The following PTPRT variants were observed in gnomAD, a reference collection of about 807,000 sequenced individuals.
PTPRT encodes the protein receptor-type tyrosine-protein phosphatase T.
A neutral mutation model predicts 176.8 loss-of-function variants in PTPRT; 56 were observed. That is an observed-to-expected ratio of 0.32 (90% CI 0.26 to 0.40). PTPRT has a LOEUF of 0.40. Ranked by LOEUF, PTPRT falls within the 10% of genes least tolerant of loss-of-function variation. The pLI is 1.00. For synonymous variants in PTPRT, 783 were observed against 739.0 expected (o/e 1.06, Z -0.96); for missense variants, 1,540 against 1,908.2 (o/e 0.81, Z 3.60).
chr20:42,069,320 A>T (rs879325423), downstream of PTPRT, among the ~76,000 whole-genome samples: 15 of 152,214 alleles, frequency 9.9e-5, no homozygotes, highest in Non-Finnish European at 8.8e-5. Context: ...CTCATGAAAA[A>T]AATTTCTTCT....
chr20:42,126,026 G>T (rs7268171), intron 19 of PTPRT, among the ~76,000 whole-genome samples: 2,018 of 134,308 alleles, frequency 0.015, 46 homozygotes, highest in African/African-American at 0.06. Flanking sequence ...GTCTGGGAGT[G>T]GGGGGGGGGA....
At chr20:42,804,481 C>G (rs922080406) in intron 2 of PTPRT, among the ~76,000 whole-genome samples, 1 of 152,110 alleles carries the variant, frequency 6.6e-6, no homozygotes, top group Non-Finnish European at 1.5e-5. Context: ...GAACCTAGAC[C>G]CAGATGGAAA....
intron 3 of PTPRT, among the ~76,000 whole-genome samples, chr20:42,790,292 C>T (rs956451147): frequency 1.3e-5 from 2 of 151,788 alleles, no homozygotes; most frequent in African/African-American, 4.8e-5. Context: ...TTCCTCTAAG[C>T]ATGCTTTATG....
At chr20:42,761,763 G>A (rs1027793930) in intron 5 of PTPRT, among the ~76,000 whole-genome samples, 2 of 152,202 alleles carry the variant, frequency 1.3e-5, no homozygotes, top group South Asian at 2.1e-4. Flanking sequence ...GAATTCTTCA[G>A]GTCTTGCTGA....
rs58111170 is a variant in PTPRT at position 42,096,756 on chromosome 20, A to ATT, written c.3846+1663_3846+1664dup. 4.8e-3 allele frequency among the ~76,000 whole-genome samples: 570 copies of ATT among 118,786 alleles called. 1 individual carries two copies. The highest frequency in any genetic ancestry group is 7.2e-3 in the Non-Finnish European group (409 of 57,158). The allele number at this position is 118,786 out of a possible 152,430, so 77.9% of individuals were successfully genotyped here. Reference sequence around the variant, plus strand: ...ATGGCACCATGCCTGGCTAATTAAAATTTTTTTTTTTTTTTTTTTTTTTTG... The same window carrying ATT: ...ATGGCACCATGCCTGGCTAATTAAAATTTTTTTTTTTTTTTTTTTTTTTTTTG... On this transcript the variant is annotated intron_variant, in intron 27 of 30. Transcript: ENST00000373187.
At chr20:43,015,931 A>C in intron 1 of PTPRT, among the ~76,000 whole-genome samples, 1 of 148,910 alleles carries the variant, frequency 6.7e-6, no homozygotes. Flanking sequence ...AAGAAAACAC[A>C]CTAAGTATTT....
chr20:42,338,900 T>C (rs1389395705), intron 11 of PTPRT, among the ~76,000 whole-genome samples: 1 of 152,172 alleles, frequency 6.6e-6, no homozygotes, highest in Non-Finnish European at 1.5e-5. Flanking sequence ...CTCTTCTTCC[T>C]GCTCTCCCCA....
At chr20:43,073,812 C>T (rs1478201471) in intron 1 of PTPRT, among the ~76,000 whole-genome samples, 18 of 152,004 alleles carry the variant, frequency 1.2e-4, no homozygotes, top group Admixed American at 1.1e-3. Context: ...GAGTGCATGG[C>T]ACAATTACAG....
At chr20:43,135,066 G>C (rs1178084384) in intron 1 of PTPRT, among the ~76,000 whole-genome samples, 1 of 152,200 alleles carries the variant, frequency 6.6e-6, no homozygotes, top group Non-Finnish European at 1.5e-5. Flanking sequence ...ACTGCCCCCA[G>C]TTGAGAACCA....
chr20:43,168,678 C>T (rs1045763133), intron 1 of PTPRT, among the ~76,000 whole-genome samples: 1 of 152,156 alleles, frequency 6.6e-6, no homozygotes, highest in African/African-American at 2.4e-5. Flanking sequence ...GACTTGGCCA[C>T]ACCTGCAAAC....
chr20:43,004,298 C>T (rs1173860273), intron 1 of PTPRT, among the ~76,000 whole-genome samples: 1 of 151,862 alleles, frequency 6.6e-6, no homozygotes, highest in African/African-American at 2.4e-5. Flanking sequence ...AATCACTTCA[C>T]AAAAGAAAAG....
At chr20:42,910,196 ACT>A (rs2079527233) in intron 1 of PTPRT, among the ~76,000 whole-genome samples, 2 of 152,142 alleles carry the variant, frequency 1.3e-5, no homozygotes, top group African/African-American at 2.4e-5. Context: ...GGAGTTCAAA[ACT>A]GTTTTGATTC....
chr20:42,569,081 A>AAAATATATATATATATATATAT (rs1568984651), intron 7 of PTPRT, among the ~76,000 whole-genome samples: 1 of 30,812 alleles, frequency 3.2e-5, no homozygotes, highest in Admixed American at 5.6e-4. Context: ...AAAAAAAAAA[A>AAAATATATATATATATATATAT]ATATATATAT....
chr20:43,058,026 C>G (rs1987312415), intron 1 of PTPRT, among the ~76,000 whole-genome samples: 1 of 152,192 alleles, frequency 6.6e-6, no homozygotes, highest in South Asian at 2.1e-4. Flanking sequence ...GGAAGTATCA[C>G]TCACGCTTTA....
At chr20:42,357,091 A>G (rs2058368297) in intron 9 of PTPRT, among the ~76,000 whole-genome samples, 1 of 152,186 alleles carries the variant, frequency 6.6e-6, no homozygotes, top group East Asian at 1.9e-4. Context: ...CCATGTAACC[A>G]TGTAATTATT....
chr20:42,564,063 C>G (rs932906623), intron 7 of PTPRT, among the ~76,000 whole-genome samples: 1 of 152,144 alleles, frequency 6.6e-6, no homozygotes, highest in Non-Finnish European at 1.5e-5. Context: ...GGGGTGTTTA[C>G]AGGGCCAGGG....
chr20:42,931,857 C>A (rs1050564505), intron 1 of PTPRT, among the ~76,000 whole-genome samples: 1 of 152,154 alleles, frequency 6.6e-6, no homozygotes, highest in African/African-American at 2.4e-5. Context: ...ATGGCTGATA[C>A]CAGTAAACCC....
intron 12 of PTPRT, among the ~76,000 whole-genome samples, chr20:42,309,949 GA>G (rs997130660): frequency 6.6e-6 from 1 of 152,140 alleles, no homozygotes; most frequent in African/African-American, 2.4e-5. Context: ...GTTAACATAT[GA>G]GTGAGTGCTG....
intron 6 of PTPRT, among the ~76,000 whole-genome samples, chr20:42,712,355 G>A (rs2076157437): frequency 6.6e-6 from 1 of 152,102 alleles, no homozygotes; most frequent in African/African-American, 2.4e-5. Flanking sequence ...CAAACATTAT[G>A]TAGCAGCCCA....
Sources: gnomAD v4.1 joint callset for allele counts (sites outside exome capture counted in the v4.1 genomes callset) on GRCh38, gnomAD v4.1.1 for gene constraint, MANE v1.5 for transcripts, NCBI Gene and HGNC (gene_info 2026-07-23, HGNC 2026-07-21) for gene names.